CREB5: variants seen among roughly 807,000 people sequenced by gnomAD.
CREB5 encodes the protein cAMP responsive element binding protein 5, also known as cyclic AMP-responsive element-binding protein 5.
A neutral mutation model predicts 57.1 loss-of-function variants in CREB5; 19 were observed. That is an observed-to-expected ratio of 0.33 (90% CI 0.23 to 0.49). The LOEUF is 0.49. Ranked by LOEUF, CREB5 falls within the 20% of genes least tolerant of loss-of-function variation. The pLI, the probability that CREB5 is intolerant of heterozygous loss-of-function variation, is 0.99. For missense variants in CREB5, 579 were observed against 671.6 expected (o/e 0.86, Z 1.52); for synonymous variants, 238 against 238.3 (o/e 1.00, Z 0.01).
At chr7:28,524,225 T>C (rs1793326766) in intron 4 of CREB5, among the ~76,000 whole-genome samples, 1 of 151,802 alleles carries the variant, frequency 6.6e-6, no homozygotes, top group Non-Finnish European at 1.5e-5. Context: ...GCCTGTGAGC[T>C]CAGCATTTCG....
chr7:28,390,931 G>A (rs576258168), intron 1 of CREB5, among the ~76,000 whole-genome samples: 2,233 of 112,460 alleles, frequency 0.02, 58 homozygotes, highest in African/African-American at 0.062. Context: ...TTTGAAAGAT[G>A]GGTTGAATAT....
At chr7:28,673,437 GA>G (rs1800148236) in intron 5 of CREB5, among the ~76,000 whole-genome samples, 1 of 152,176 alleles carries the variant, frequency 6.6e-6, no homozygotes, top group Non-Finnish European at 1.5e-5. Flanking sequence ...CTCAAAGTGA[GA>G]AATGGCATAG....
intron 1 of CREB5, among the ~76,000 whole-genome samples, chr7:28,403,303 A>T (rs777381669): frequency 2.0e-5 from 3 of 152,182 alleles, no homozygotes; most frequent in Non-Finnish European, 4.4e-5. Context: ...ATTACATCTT[A>T]TATGCAATTT....
intron 1 of CREB5, among the ~76,000 whole-genome samples, chr7:28,389,576 T>G (rs917816946): frequency 1.3e-5 from 2 of 152,088 alleles, no homozygotes; most frequent in African/African-American, 2.4e-5. Context: ...AGAAAACCAG[T>G]TGTGGGTTTA....
At chr7:28,359,275 T>C (rs988204510) in intron 1 of CREB5, among the ~76,000 whole-genome samples, 1 of 150,184 alleles carries the variant, frequency 6.7e-6, no homozygotes, top group East Asian at 1.9e-4. Flanking sequence ...AGTTGAGATA[T>C]GTTAAGCAAA....
At chr7:28,715,416 A>G (rs1222205127) in intron 5 of CREB5, among the ~76,000 whole-genome samples, 1 of 152,236 alleles carries the variant, frequency 6.6e-6, no homozygotes. Flanking sequence ...GGACAATAAA[A>G]TGCCTTTAAA....
intron 4 of CREB5, among the ~76,000 whole-genome samples, chr7:28,547,936 G>T (rs76129141): frequency 0.011 from 1,691 of 152,340 alleles, 19 homozygotes; most frequent in Non-Finnish European, 0.017. Context: ...ATGCACAGGA[G>T]AAGCAGCTTT....
intron 7 of CREB5, among the ~76,000 whole-genome samples, chr7:28,745,370 G>C (rs772408256): frequency 6.6e-6 from 1 of 152,184 alleles, no homozygotes; most frequent in Non-Finnish European, 1.5e-5. Flanking sequence ...CTCTACATTT[G>C]TAACCCAATG....
intron 4 of CREB5, among the ~76,000 whole-genome samples, chr7:28,544,510 A>G (rs1382826900): frequency 6.6e-6 from 1 of 152,186 alleles, no homozygotes; most frequent in Non-Finnish European, 1.5e-5. Flanking sequence ...GTGAAGTGAT[A>G]TGTGCTCCAT....
chr7:28,300,867 C>T (rs900767044), intron 1 of CREB5, among the ~76,000 whole-genome samples: 4 of 152,086 alleles, frequency 2.6e-5, no homozygotes, highest in African/African-American at 9.7e-5. Context: ...AAGTATGGTC[C>T]ACAGACACAC....
At chr7:28,544,996 G>C (rs1245531241) in intron 4 of CREB5, among the ~76,000 whole-genome samples, 1 of 152,144 alleles carries the variant, frequency 6.6e-6, no homozygotes, top group Admixed American at 6.5e-5. Flanking sequence ...CCTTCTCCTG[G>C]AGCATTAGCC....
At chr7:28,343,126 G>A (rs890543355) in intron 1 of CREB5, among the ~76,000 whole-genome samples, 2 of 151,968 alleles carry the variant, frequency 1.3e-5, no homozygotes, top group Non-Finnish European at 2.9e-5. Flanking sequence ...ATTTTTAGTA[G>A]AGACAGGATT....
chr7:28,320,472 A>G (rs1034215866), intron 1 of CREB5, among the ~76,000 whole-genome samples: 2 of 152,196 alleles, frequency 1.3e-5, no homozygotes, highest in Non-Finnish European at 2.9e-5. Flanking sequence ...CCTAGCTTCA[A>G]GCTCCGCTTT....
chr7:28,636,620 T>A (rs1258815469), intron 5 of CREB5, among the ~76,000 whole-genome samples: 1 of 152,216 alleles, frequency 6.6e-6, no homozygotes, highest in Non-Finnish European at 1.5e-5. Context: ...ACATCCCCAA[T>A]TATTTGTTGG....
chr7:28,761,354 C>T (rs1031639162), intron 7 of CREB5, among the ~76,000 whole-genome samples: 1 of 152,048 alleles, frequency 6.6e-6, no homozygotes, highest in East Asian at 1.9e-4. Flanking sequence ...CTGTAAATTG[C>T]GGGTGTCGGA....
intron 5 of CREB5, among the ~76,000 whole-genome samples, chr7:28,628,105 G>T (rs1798069959): frequency 6.6e-6 from 1 of 152,010 alleles, no homozygotes; most frequent in Admixed American, 6.6e-5. Flanking sequence ...CAGGCAGCCA[G>T]TTCCTCTTCT....
intron 1 of CREB5, among the ~76,000 whole-genome samples, chr7:28,358,911 G>A (rs139408654): frequency 1.1e-3 from 169 of 152,292 alleles, no homozygotes; most frequent in Admixed American, 0.01. Context: ...GTTGTTAATA[G>A]GGGTGAGGAG....
At chr7:28,397,641 G>A (rs1168066523) in intron 1 of CREB5, among the ~76,000 whole-genome samples, 3 of 152,176 alleles carry the variant, frequency 2.0e-5, no homozygotes, top group Non-Finnish European at 4.4e-5. Context: ...TGAAATTGGT[G>A]GTTTGTACAT....
chr7:28,560,819 T>TGCGTGC (rs1339266647), intron 4 of CREB5, among the ~76,000 whole-genome samples: 1 of 62,354 alleles, frequency 1.6e-5, no homozygotes, highest in Non-Finnish European at 3.6e-5. Flanking sequence ...CGTGTGTGTG[T>TGCGTGC]GTGCGCGCGC....
Sources: gnomAD v4.1 joint callset for allele counts (sites outside exome capture counted in the v4.1 genomes callset) on GRCh38, gnomAD v4.1.1 for gene constraint, MANE v1.5 for transcripts, NCBI Gene and HGNC (gene_info 2026-07-23, HGNC 2026-07-21) for gene names.